The following LRRTM4 variants were observed in gnomAD, a reference collection of about 807,000 sequenced individuals.
LRRTM4 encodes the protein leucine rich repeat transmembrane neuronal 4, also known as leucine-rich repeat transmembrane neuronal protein 4.
Under a neutral mutation model 47.6 loss-of-function variants are expected in LRRTM4, and 25 were observed. The observed-to-expected ratio is 0.53, with a 90% CI of 0.38 to 0.73. LRRTM4 has a LOEUF of 0.73. LRRTM4 is among the 30% of genes least tolerant of loss of function. LRRTM4 has a pLI of 0.00. For missense variants in LRRTM4, 638 were observed against 713.4 expected (o/e 0.89, Z 1.20); for synonymous variants, 311 against 269.5 (o/e 1.15, Z -1.51).
intron 3 of LRRTM4, among the ~76,000 whole-genome samples, chr2:77,499,622 A>G (rs1678495891): frequency 6.6e-6 from 1 of 151,980 alleles, no homozygotes; most frequent in Non-Finnish European, 1.5e-5. Flanking sequence ...TTTAAAGCCC[A>G]GAGTCAGTCA....
chr2:76,947,313 T>C (rs560914563), intron 3 of LRRTM4, among the ~76,000 whole-genome samples: 48 of 151,972 alleles, frequency 3.2e-4, no homozygotes, highest in African/African-American at 1.1e-3. Context: ...ATCTTCATTT[T>C]AAGATGAGAG....
intron 3 of LRRTM4, among the ~76,000 whole-genome samples, chr2:77,467,427 C>T (rs145408606): frequency 6.6e-6 from 1 of 152,232 alleles, no homozygotes; most frequent in Non-Finnish European, 1.5e-5. Context: ...TCAGGGATGA[C>T]TAAAGACATC....
intron 3 of LRRTM4, among the ~76,000 whole-genome samples, chr2:77,210,465 T>G (rs1343301659): frequency 6.6e-6 from 1 of 152,196 alleles, no homozygotes; most frequent in Non-Finnish European, 1.5e-5. Context: ...AACAAAAATT[T>G]TGTATACATT....
chr2:77,141,557 G>A (rs539585754), intron 3 of LRRTM4, among the ~76,000 whole-genome samples: 26 of 152,144 alleles, frequency 1.7e-4, no homozygotes, highest in South Asian at 6.2e-4. Context: ...CCAACATGGC[G>A]CATGTGTACA....
At chr2:77,425,055 A>G (rs1165301048) in intron 3 of LRRTM4, among the ~76,000 whole-genome samples, 1 of 152,220 alleles carries the variant, frequency 6.6e-6, no homozygotes, top group Non-Finnish European at 1.5e-5. Flanking sequence ...TCCAATTACA[A>G]AAAGACCTGT....
chr2:77,043,089 T>A (rs1679092202), intron 3 of LRRTM4, among the ~76,000 whole-genome samples: 2 of 151,794 alleles, frequency 1.3e-5, no homozygotes, highest in African/African-American at 2.4e-5. Context: ...CCCTTGGACT[T>A]AGGAAGTAAG....
chr2:76,748,689 T>C lies in LRRTM4; in HGVS notation c.*6A>G. 6.2e-7 allele frequency: 1 copy of C among 1,610,110 alleles called. No homozygotes were observed. On this transcript the variant is annotated 3_prime_UTR_variant, in exon 4 of 4. Transcript: ENST00000409884. ...GGAGCTCCCCAGTGAGGAGTTGGCT[T>C]CAGCGTTAGTTTGCAATTCTCTCTA...
chr2:77,384,575 C>A (rs1673190282), intron 3 of LRRTM4, among the ~76,000 whole-genome samples: 1 of 151,164 alleles, frequency 6.6e-6, no homozygotes, highest in Non-Finnish European at 1.5e-5. Context: ...TCCTCATGAC[C>A]AAAATAAAAT....
At chr2:77,391,730 A>C (rs1328106088) in intron 3 of LRRTM4, among the ~76,000 whole-genome samples, 1 of 151,904 alleles carries the variant, frequency 6.6e-6, no homozygotes, top group African/African-American at 2.4e-5. Flanking sequence ...AGGGGACCCA[A>C]CTAAACCCAA....
At chr2:76,785,352 TAG>T (rs1674617856) in intron 3 of LRRTM4, among the ~76,000 whole-genome samples, 1 of 152,082 alleles carries the variant, frequency 6.6e-6, no homozygotes, top group Non-Finnish European at 1.5e-5. Context: ...TTAAGCAAAA[TAG>T]AGCATCAACT....
At chr2:77,380,560 G>A (rs1338170462) in intron 3 of LRRTM4, among the ~76,000 whole-genome samples, 1 of 152,092 alleles carries the variant, frequency 6.6e-6, no homozygotes, top group Non-Finnish European at 1.5e-5. Flanking sequence ...ACTTTGGGAG[G>A]CCAAGATGGG....
At chr2:77,003,543 C>T (rs940649444) in intron 3 of LRRTM4, among the ~76,000 whole-genome samples, 9 of 152,074 alleles carry the variant, frequency 5.9e-5, no homozygotes, top group East Asian at 5.8e-4. Flanking sequence ...CTTTGCCTGC[C>T]GCCATGTAAG....
intron 3 of LRRTM4, among the ~76,000 whole-genome samples, chr2:76,774,968 G>A (rs766458313): frequency 6.6e-6 from 1 of 152,088 alleles, no homozygotes; most frequent in Non-Finnish European, 1.5e-5. Flanking sequence ...GCAGGTACTG[G>A]TTCAAAAGCA....
chr2:76,994,252 C>T (rs1274428079), intron 3 of LRRTM4, among the ~76,000 whole-genome samples: 1 of 151,480 alleles, frequency 6.6e-6, no homozygotes, highest in Non-Finnish European at 1.5e-5. Flanking sequence ...CATGTATCCC[C>T]TTGAATCTAA....
At chr2:77,366,723 G>T (rs1573318689) in intron 3 of LRRTM4, among the ~76,000 whole-genome samples, 1 of 151,846 alleles carries the variant, frequency 6.6e-6, no homozygotes, top group Middle Eastern at 3.4e-3. Flanking sequence ...GTGATCATTT[G>T]TTTACCTCAC....
chr2:76,940,600 C>G (rs1040482005), intron 3 of LRRTM4, among the ~76,000 whole-genome samples: 8 of 152,096 alleles, frequency 5.3e-5, no homozygotes, highest in African/African-American at 1.9e-4. Context: ...ACGAGTTTAC[C>G]TATAGAACAA....
intron 3 of LRRTM4, among the ~76,000 whole-genome samples, chr2:76,905,558 G>A (rs1351433068): frequency 6.6e-6 from 1 of 151,912 alleles, no homozygotes; most frequent in Non-Finnish European, 1.5e-5. Flanking sequence ...CGAGCTACAG[G>A]AGGAAATTCA....
intron 3 of LRRTM4, among the ~76,000 whole-genome samples, chr2:76,841,259 A>T (rs1276283764): frequency 2.1e-5 from 3 of 142,398 alleles, no homozygotes; most frequent in African/African-American, 7.8e-5. Context: ...GGAACATCAC[A>T]CTCTGGGGAC....
At chr2:76,798,483 C>A (rs1573125111) in intron 3 of LRRTM4, among the ~76,000 whole-genome samples, 1 of 149,234 alleles carries the variant, frequency 6.7e-6, no homozygotes, top group East Asian at 2.0e-4. Context: ...CACTAAATGC[C>A]CACAAGAGAA....
Sources: gnomAD v4.1 joint callset for allele counts (sites outside exome capture counted in the v4.1 genomes callset) on GRCh38, gnomAD v4.1.1 for gene constraint, MANE v1.5 for transcripts, NCBI Gene and HGNC (gene_info 2026-07-23, HGNC 2026-07-21) for gene names.